The following CDH4 variants were observed in gnomAD, a reference collection of about 807,000 sequenced individuals.
CDH4 encodes cadherin-4.
A neutral mutation model predicts 86.0 loss-of-function variants in CDH4; 33 were observed. That is an observed-to-expected ratio of 0.38 (90% CI 0.29 to 0.51). The LOEUF (loss-of-function observed/expected upper bound fraction) is 0.51, where lower values mean the gene tolerates loss of function less well. Ranked by LOEUF, CDH4 falls within the 20% of genes least tolerant of loss-of-function variation. The pLI is 0.86. For synonymous variants in CDH4, 555 were observed against 549.4 expected (o/e 1.01, Z -0.14); for missense variants, 1,114 against 1,307.4 (o/e 0.85, Z 2.28).
intron 2 of CDH4, among the ~76,000 whole-genome samples, chr20:61,262,777 C>T (rs574267966): frequency 2.0e-5 from 3 of 150,136 alleles, no homozygotes; most frequent in Non-Finnish European, 3.0e-5. Flanking sequence ...CTTCCTCCTT[C>T]CCTCTCTCCT....
intron 7 of CDH4, among the ~76,000 whole-genome samples, chr20:61,892,021 C>T (rs1984845608): frequency 6.6e-6 from 1 of 152,270 alleles, no homozygotes; most frequent in African/African-American, 2.4e-5. Context: ...GGCATACAGT[C>T]TCTGTGCAGA....
chr20:61,318,289 AG>A (rs1277119944), intron 2 of CDH4, among the ~76,000 whole-genome samples: 1 of 152,110 alleles, frequency 6.6e-6, no homozygotes, highest in African/African-American at 2.4e-5. Flanking sequence ...CCGGCTTTGC[AG>A]AAGACACCAG....
At chr20:61,869,456 G>T (rs1983700406) in intron 6 of CDH4, among the ~76,000 whole-genome samples, 1 of 152,222 alleles carries the variant, frequency 6.6e-6, no homozygotes, top group Non-Finnish European at 1.5e-5. Flanking sequence ...GTGTCTGCTG[G>T]ACCCTGGAGG....
At chr20:61,295,151 T>A (rs1333906453) in intron 2 of CDH4, among the ~76,000 whole-genome samples, 1 of 152,242 alleles carries the variant, frequency 6.6e-6, no homozygotes, top group East Asian at 1.9e-4. Context: ...GATTATTTGA[T>A]GAATCAGGCT....
intron 2 of CDH4, among the ~76,000 whole-genome samples, chr20:61,422,979 G>A (rs1485463083): frequency 6.6e-6 from 1 of 152,202 alleles, no homozygotes; most frequent in Non-Finnish European, 1.5e-5. Flanking sequence ...CTTACACGGT[G>A]TGGGAGAAGC....
At chr20:61,267,611 C>A (rs1010934250) in intron 2 of CDH4, among the ~76,000 whole-genome samples, 6 of 152,126 alleles carry the variant, frequency 3.9e-5, no homozygotes, top group African/African-American at 1.4e-4. Flanking sequence ...CCATTATCTT[C>A]CTCTATCAAA....
chr20:61,484,753 G>A (rs2085586714), intron 2 of CDH4, among the ~76,000 whole-genome samples: 1 of 150,758 alleles, frequency 6.6e-6, no homozygotes, highest in African/African-American at 2.5e-5. Flanking sequence ...CCTGAACACA[G>A]AGGGGGCTCA....
intron 2 of CDH4, among the ~76,000 whole-genome samples, chr20:61,301,404 G>C (rs542699690): frequency 1.3e-5 from 2 of 152,346 alleles, no homozygotes; most frequent in African/African-American, 4.8e-5. Context: ...ATTTAAATGG[G>C]CAGCTGCTGG....
rs534120703 is a variant in CDH4, at chr20:61,580,252, C to T, written c.170-163311C>T. ...GGTGAATCACCTGAGGTCATGAGTT[C>T]GAGACCAGCCTGGCTAACATGATGA... On this transcript the variant is annotated intron_variant, in intron 2 of 15. Coordinates refer to ENST00000614565, the MANE Select transcript of CDH4 (RefSeq NM_001794.5). 9.2e-5 allele frequency among the ~76,000 whole-genome samples: 14 copies of T among 152,162 alleles called. No individual in the cohort carries two copies. The East Asian group carries it at 1.4e-3, about 15-fold the overall frequency.
chr20:61,507,394 C>T (rs2085748675), intron 2 of CDH4, among the ~76,000 whole-genome samples: 1 of 152,108 alleles, frequency 6.6e-6, no homozygotes, highest in Non-Finnish European at 1.5e-5. Context: ...AGCCAGGAAT[C>T]CAAATGGAGA....
intron 2 of CDH4, among the ~76,000 whole-genome samples, chr20:61,465,579 C>T (rs1937305): frequency 0.43 from 65,947 of 151,990 alleles, 14,595 homozygotes; most frequent in Admixed American, 0.52. Flanking sequence ...TAGAGACGGC[C>T]AAATGCATCC....
chr20:61,593,290 A>G (rs2086531408), intron 2 of CDH4, among the ~76,000 whole-genome samples: 1 of 152,264 alleles, frequency 6.6e-6, no homozygotes, highest in South Asian at 2.1e-4. Context: ...TGTTAGAAGT[A>G]AAGCTGCTGT....
chr20:61,494,896 T>G (rs543875336), intron 2 of CDH4, among the ~76,000 whole-genome samples: 1 of 152,270 alleles, frequency 6.6e-6, no homozygotes, highest in African/African-American at 2.4e-5. Context: ...TGCAAATGAC[T>G]GAGCTGACAT....
intron 4 of CDH4, among the ~76,000 whole-genome samples, chr20:61,790,153 CACCCATCT>C (rs1259182302): frequency 6.6e-6 from 1 of 151,998 alleles, no homozygotes; most frequent in Admixed American, 6.6e-5. Context: ...TCCACACACC[CACCCATCT>C]ACCCATCCGT....
At chr20:61,353,085 G>A (rs945051740) in intron 2 of CDH4, among the ~76,000 whole-genome samples, 4 of 152,116 alleles carry the variant, frequency 2.6e-5, no homozygotes, top group East Asian at 1.9e-4. Context: ...AGGGGCTCTC[G>A]CCTGCCCGAC....
intron 4 of CDH4, among the ~76,000 whole-genome samples, chr20:61,806,959 T>C (rs1302145868): frequency 3.3e-5 from 5 of 152,150 alleles, no homozygotes; most frequent in African/African-American, 9.7e-5. Flanking sequence ...GGTACAGAGA[T>C]GGGGGCTTCT....
chr20:61,809,969 C>A (rs1980345574), intron 4 of CDH4, among the ~76,000 whole-genome samples: 1 of 152,184 alleles, frequency 6.6e-6, no homozygotes, highest in Non-Finnish European at 1.5e-5. Context: ...GATGGTCTGG[C>A]TGCCCTGTAG....
intron 2 of CDH4, among the ~76,000 whole-genome samples, chr20:61,274,309 A>C (rs548222901): frequency 1.7e-5 from 1 of 57,306 alleles, no homozygotes; most frequent in Non-Finnish European, 3.2e-5. Context: ...GGGGAGTACT[A>C]TGTGCAGTTT....
rs144666994 is a variant in CDH4 at position 61,774,147 on chromosome 20, A to G, written c.576+965A>G. ...CAAATGTATCACCTGCCTTCTCTGC[A>G]CAGAGCCGGCCCTCCCACCTCAGCA... is the stretch of plus-strand genomic sequence containing the variant. On this transcript the variant is annotated intron_variant, in intron 4 of 15. Coordinates refer to ENST00000614565, the MANE Select transcript of CDH4 (RefSeq NM_001794.5). Among the ~76,000 whole-genome samples, 534 of 152,358 alleles carry G rather than the reference A, an allele frequency of 3.5e-3. 5 individuals are homozygous for G. Among genetic ancestry groups the G allele is most frequent in the African/African-American group, 0.012 (512 of 41,582 alleles).
Sources: allele counts gnomAD v4.1 joint callset (sites outside exome capture counted in the v4.1 genomes callset), GRCh38; gene constraint gnomAD v4.1.1; transcripts MANE v1.5; gene names NCBI Gene and HGNC (gene_info 2026-07-23, HGNC 2026-07-21).